PPP6R2: variants seen among roughly 807,000 people sequenced by gnomAD.
PPP6R2 encodes the protein serine/threonine-protein phosphatase 6 regulatory subunit 2.
In PPP6R2, 62 loss-of-function variants were observed where a neutral mutation model predicts 100.2. The observed-to-expected ratio is 0.62, with a 90% CI of 0.50 to 0.76. The LOEUF is 0.76. Among genes scored for constraint, PPP6R2 ranks in the 30% least tolerant of loss-of-function variants. The pLI, the probability that PPP6R2 is intolerant of heterozygous loss-of-function variation, is 0.00. For missense variants in PPP6R2, 1,142 were observed against 1,276.3 expected, an observed-to-expected ratio of 0.89 and a Z score of 1.60; for synonymous variants, 525 against 514.7, an observed-to-expected ratio of 1.02 and a Z score of -0.27.
upstream of PPP6R2, among the ~76,000 whole-genome samples, chr22:50,340,483 TGTGTGGTGTGTGTAGG>T (rs1460050135): frequency 7.0e-6 from 1 of 143,024 alleles, no homozygotes; most frequent in African/African-American, 2.6e-5. Context: ...GTCTCGGGTG[TGTGTGGTGTGTGTAGG>T]GTGTGGTGTG....
intron 3 of PPP6R2, among the ~76,000 whole-genome samples, chr22:50,396,403 G>A (rs1300482406): frequency 1.3e-5 from 2 of 151,340 alleles, no homozygotes; most frequent in Non-Finnish European, 2.9e-5. Context: ...GCTGAGGCAG[G>A]AGAATTGCTT....
At chr22:50,406,915 C>T in intron 4 of PPP6R2, 40 bp downstream of exon 4, 1 of 1,572,970 alleles carries the variant, frequency 6.4e-7, no homozygotes, top group Non-Finnish European at 8.7e-7. Flanking sequence ...GGGGCACCGT[C>T]ATGGTGGATG....
rs557720144 is a variant in PPP6R2 at position 50,412,965 on chromosome 22, T to G, written c.415-1587T>G. ...TGGCCTAGATAAGTCCTTTTTTTTTTGTTTTTTTTTTTGAGACAGAGTTTT... is the reference window on the plus strand; with the variant it reads ...TGGCCTAGATAAGTCCTTTTTTTTTGGTTTTTTTTTTTGAGACAGAGTTTT... On this transcript the variant is annotated intron_variant, in intron 4 of 23. Coordinates refer to ENST00000612753, the MANE Select transcript of PPP6R2 (RefSeq NM_001242898.2). Among the ~76,000 whole-genome samples the G allele has an allele frequency of 1.0e-4, 15 of 143,726 alleles. No individual in the cohort carries two copies. In the East Asian group the frequency reaches 2.7e-3, roughly 26 times the overall value. The allele number at this position is 143,726 out of a possible 152,430, so 94.3% of individuals were successfully genotyped here.
chr22:50,402,349 C>G (rs1227312379), intron 3 of PPP6R2, among the ~76,000 whole-genome samples: 1 of 139,582 alleles, frequency 7.2e-6, no homozygotes, highest in African/African-American at 2.7e-5. Context: ...TTTTTTTTAC[C>G]AAGTTCCCTA....
At chr22:50,337,825 A>G in the PPP6R2 span, among the ~76,000 whole-genome samples, 1 of 110,424 alleles carries the variant, frequency 9.1e-6, no homozygotes, top group Admixed American at 9.4e-5. Context: ...ATCTGGGTAC[A>G]GTGTGTGTGT....
intron 2 of PPP6R2, among the ~76,000 whole-genome samples, chr22:50,374,770 C>T (rs983519334): frequency 7.2e-5 from 11 of 151,822 alleles, no homozygotes; most frequent in Non-Finnish European, 7.4e-5. Flanking sequence ...AAAAATTAGC[C>T]GGGCGTGGTG....
intron 1 of PPP6R2, among the ~76,000 whole-genome samples, chr22:50,351,199 C>T (rs1401087965): frequency 2.8e-5 from 4 of 142,508 alleles, no homozygotes; most frequent in African/African-American, 7.8e-5. Flanking sequence ...TGCCATTGCG[C>T]CCAGCTAATT....
Position 50,436,445 on chromosome 22 carries a change from T to C in PPP6R2, c.1595T>C (p.Val532Ala), listed in dbSNP as rs1373877188. 1 of 1,589,784 alleles carries C rather than the reference T, an allele frequency of 6.3e-7. No homozygotes were observed. The highest frequency in any genetic ancestry group is 8.6e-7 in the Non-Finnish European group (1 of 1,169,380). ...TLTETNRRNTVDLVSTHHLHS... is the reference protein window; with the variant it reads ...TLTETNRRNTADLVSTHHLHS... ...ACGGAGACGAACCGCAGGAACACTG[T>C]GGACCTGGTGAGGAGGCTCGGGGCT... Residue 532 changes from valine (V) to alanine (A), a missense_variant, in exon 14 of 24, where the codon GTG becomes GCG. Val to Ala is a moderately conservative substitution (Grantham distance 64, BLOSUM62 0). This residue lies in a region of PPP6R2 where 592 missense variants were observed against 758.9 expected (regional missense o/e 0.78). Transcript: ENST00000612753.
chr22:50,423,290 C>T lies in PPP6R2; in HGVS notation c.973-172C>T, dbSNP rs1002772758. Among the ~76,000 whole-genome samples, 1 of 152,108 alleles carries T rather than the reference C, an allele frequency of 6.6e-6. No homozygotes were observed. The highest frequency in any genetic ancestry group is 2.4e-5 in the African/African-American group (1 of 41,416). On this transcript the variant is annotated intron_variant, in intron 9 of 23. Coordinates refer to ENST00000612753, the MANE Select transcript of PPP6R2 (RefSeq NM_001242898.2). The surrounding 1 kb of genome is among the most constrained non-coding windows in gnomAD (Gnocchi z 4.8). Reference sequence around the variant, plus strand: ...GAGGGGAGCAGCAGGCTCTTCACCCCATTGATGCCTTCATTTCTTCTGGCA... The same window carrying T: ...GAGGGGAGCAGCAGGCTCTTCACCCTATTGATGCCTTCATTTCTTCTGGCA...
chr22:50,444,401 C>A lies in PPP6R2; in HGVS notation c.*154C>A. The A allele has an allele frequency of 9.7e-7, 1 of 1,035,544 alleles. No individual in the cohort carries two copies. The highest frequency in any genetic ancestry group is 1.4e-6 in the Non-Finnish European group (1 of 716,566). The allele number at this position is 1,035,544 out of a possible 1,614,324, so 64.1% of individuals were successfully genotyped here. ...CTGGCAGTTGAAACCAGTTGGACGG[C>A]CCAGCTTGCGTCTCTTCTGCCTGAG... On this transcript the variant is annotated 3_prime_UTR_variant, in exon 24 of 24. Coordinates refer to ENST00000612753, the MANE Select transcript of PPP6R2 (RefSeq NM_001242898.2).
chr22:50,437,398 G>A (rs2064568598), intron 15 of PPP6R2, 108 bp from the exon 16 acceptor site: 3 of 769,150 alleles, frequency 3.9e-6, no homozygotes, highest in African/African-American at 1.7e-5. Context: ...TGGAGGAGAA[G>A]CTCCCGAACA....
the PPP6R2 span, among the ~76,000 whole-genome samples, chr22:50,334,548 C>T: frequency 1.2e-4 from 18 of 152,050 alleles, no homozygotes; most frequent in Admixed American, 6.6e-5. Context: ...CTTTATTATA[C>T]TGGAACAGCT....
At chr22:50,335,302 A>T in the PPP6R2 span, among the ~76,000 whole-genome samples, 1 of 143,938 alleles carries the variant, frequency 6.9e-6, no homozygotes, top group Non-Finnish European at 1.5e-5. Context: ...TCACCTGGTG[A>T]TCCACCTGCC....
intron 4 of PPP6R2, among the ~76,000 whole-genome samples, 170 bp downstream of exon 4, chr22:50,407,045 G>A (rs1221857595): frequency 6.6e-6 from 1 of 152,130 alleles, no homozygotes; most frequent in East Asian, 1.9e-4. Context: ...CTGGGAGCTG[G>A]AATTTGAAAG....
At chr22:50,363,792 A>G (rs1312388865) in intron 1 of PPP6R2, among the ~76,000 whole-genome samples, 1 of 152,066 alleles carries the variant, frequency 6.6e-6, no homozygotes, top group Non-Finnish European at 1.5e-5. Context: ...ATTTGGTTCC[A>G]TTTACTTATT....
At chr22:50,415,423 G>A (rs2060395771) in intron 5 of PPP6R2, among the ~76,000 whole-genome samples, 1 of 152,216 alleles carries the variant, frequency 6.6e-6, no homozygotes, top group African/African-American at 2.4e-5. Context: ...TTTACACAGT[G>A]GACACAGGAT....
intron 2 of PPP6R2, among the ~76,000 whole-genome samples, chr22:50,374,596 A>G (rs200244427): frequency 1.2e-4 from 18 of 152,260 alleles, no homozygotes; most frequent in East Asian, 7.7e-4. Context: ...AGGAATCACA[A>G]TATGTCCCAA....
chr22:50,354,666 A>C (rs1351542063), intron 1 of PPP6R2, among the ~76,000 whole-genome samples: 1 of 151,640 alleles, frequency 6.6e-6, no homozygotes, highest in African/African-American at 2.4e-5. Flanking sequence ...TCTGTACTAA[A>C]AATACAAAAA....
At position 50,441,021 on chromosome 22, in the gene PPP6R2, C is replaced by A. The variant is rs376238202; in HGVS notation, c.2574C>A (p.Val858=). The A allele has an allele frequency of 6.3e-7, 1 of 1,582,452 alleles. No individual in the cohort carries two copies. The highest frequency in any genetic ancestry group is 1.7e-5 in the Admixed American group (1 of 57,222). ...LPTVARTEEA[V]GRVGCADSRL... Reference sequence around the variant, plus strand: ...CAGTGGCCAGGACAGAGGAGGCTGTCGGCAGGTGTGTGGGGCGTGGCGGGG... The same window carrying A: ...CAGTGGCCAGGACAGAGGAGGCTGTAGGCAGGTGTGTGGGGCGTGGCGGGG... Residue 858 remains valine, a synonymous_variant, in exon 22 of 24, where the codon GTC becomes GTA. Transcript: ENST00000612753.
Sources: gnomAD v4.1 joint callset for allele counts (sites outside exome capture counted in the v4.1 genomes callset) on GRCh38, gnomAD v4.1.1 for gene constraint, gnomAD v4.1.1 regional missense constraint, Gnocchi (gnomAD v3.1) non-coding constraint, MANE v1.5 for transcripts, NCBI Gene and HGNC (gene_info 2026-07-23, HGNC 2026-07-21) for gene names.